Variants in CTU1 observed in about 807,000 individuals in gnomAD.
CTU1 encodes cytoplasmic tRNA 2-thiolation protein 1.
Under a neutral mutation model 12.9 loss-of-function variants are expected in CTU1, and 15 were observed. The ratio of observed to expected loss-of-function variants is 1.16; its 90% CI spans 0.78 to 1.79. The LOEUF is 1.79. Among genes scored for constraint, CTU1 ranks in the 40% most tolerant of loss-of-function variants. The pLI, the probability that CTU1 is intolerant of heterozygous loss-of-function variation, is 0.00. For missense variants in CTU1, 553 were observed against 550.5 expected (o/e 1.00, Z -0.05); for synonymous variants, 295 against 275.6 (o/e 1.07, Z -0.70).
chr19:51,104,158 C>G lies in CTU1; in HGVS notation c.412G>C (p.Gly138Arg), dbSNP rs1030366371. 6.6e-7 allele frequency: 1 copy of G among 1,517,178 alleles called. No individual in the cohort carries two copies. The highest frequency in any genetic ancestry group is 8.8e-7 in the Non-Finnish European group (1 of 1,141,432). The allele number at this position is 1,517,178 out of a possible 1,614,324, so 94.0% of individuals were successfully genotyped here. ...DAVARSTAGS[G>R]RSRSCCTFCG... ...AAGGTGCAGCAGGAGCGGCTGCGGC[C>G]GGAGCCGGCTGTGCTGCGGGCCACG... is the stretch of plus-strand genomic sequence containing the variant. Residue 138 changes from glycine to arginine, a missense_variant, in exon 2 of 3, where the codon GGC becomes CGC. This residue lies in a region of CTU1 where 500 missense variants were observed against 458.5 expected (regional missense o/e 1.09). Coordinates refer to ENST00000421832, the MANE Select transcript of CTU1 (RefSeq NM_145232.4).
chr19:51,101,861 C>T (rs1405556227), intron 2 of CTU1, among the ~76,000 whole-genome samples: 7 of 152,180 alleles, frequency 4.6e-5, no homozygotes, highest in East Asian at 3.8e-4. Context: ...TATTATACTA[C>T]GCCTTTGAAA....
chr19:51,105,512 C>T (rs916587460), intron 1 of CTU1, among the ~76,000 whole-genome samples: 10 of 152,212 alleles, frequency 6.6e-5, no homozygotes, highest in African/African-American at 2.2e-4. Flanking sequence ...CTCCCCAAGC[C>T]ACCATCACCT....
In CTU1 at chr19:51,098,551, A is replaced by G. The variant is rs1325471071; in HGVS notation, c.*50T>C. On this transcript the variant is annotated 3_prime_UTR_variant, in exon 3 of 3. Coordinates refer to ENST00000421832, the MANE Select transcript of CTU1 (RefSeq NM_145232.4). This position sits in a 1 kb window ranked among gnomAD's most constrained non-coding sequence, Gnocchi z 4.3. Reference sequence around the variant, plus strand: ...CGGGTTTATTCACAGTGTCATTTACAGGCAGCCCCCACCCCGCGGCATCAG... The same window carrying G: ...CGGGTTTATTCACAGTGTCATTTACGGGCAGCCCCCACCCCGCGGCATCAG... 4.1e-6 allele frequency: 5 copies of G among 1,230,362 alleles called. No homozygotes were observed. The African/African-American group carries it at 7.9e-5, about 19-fold the overall frequency. The allele number at this position is 1,230,362 out of a possible 1,614,324, so 76.2% of individuals were successfully genotyped here.
In CTU1 at chr19:51,099,059, C is replaced by T. The variant is rs1355787025; in HGVS notation, c.589G>A (p.Gly197Ser). 6.6e-7 allele frequency: 1 copy of T among 1,518,320 alleles called. No homozygotes were observed. Among genetic ancestry groups the T allele is most frequent in the Non-Finnish European group, 8.8e-7 (1 of 1,138,270 alleles). The allele number at this position is 1,518,320 out of a possible 1,614,324, so 94.1% of individuals were successfully genotyped here. A position where few individuals can be genotyped will look rare whatever the true frequency, so the allele number is the denominator to read the frequency against. The change falls in exon 3 of 3, where the codon GGC (glycine) becomes AGC (serine). Residue 197 changes from glycine to serine, a missense_variant. Around this residue, in one of 2 missense-constraint regions of CTU1, gnomAD observed 500 missense variants for 458.5 expected, o/e 1.09. Transcript: ENST00000421832. ...GDAGRLARGG[G>S]LGSPGEGGAL... Reference sequence around the variant, plus strand: ...CCCCCCTCGCCGGGAGAGCCCAGGCCCCCGCCCCGGGCCAGCCGCCCCGCG... The same window carrying T: ...CCCCCCTCGCCGGGAGAGCCCAGGCTCCCGCCCCGGGCCAGCCGCCCCGCG...
At chr19:51,100,193 C>T (rs1189048340) in intron 2 of CTU1, among the ~76,000 whole-genome samples, 1 of 152,128 alleles carries the variant, frequency 6.6e-6, no homozygotes, top group Non-Finnish European at 1.5e-5. Flanking sequence ...CACACAAGCT[C>T]CCTGGGGAAC....
chr19:51,102,052 G>A (rs2091908264), intron 2 of CTU1, among the ~76,000 whole-genome samples: 1 of 152,096 alleles, frequency 6.6e-6, no homozygotes, highest in Admixed American at 6.5e-5. Flanking sequence ...CACCCAGGCT[G>A]GAGTGCAGTG....
chr19:51,099,025 G>T lies in CTU1; in HGVS notation c.623C>A (p.Pro208Gln). 6.6e-7 allele frequency: 1 copy of T among 1,512,102 alleles called. No individual in the cohort carries two copies. The highest frequency in any genetic ancestry group is 8.8e-7 in the Non-Finnish European group (1 of 1,134,148). The allele number at this position is 1,512,102 out of a possible 1,614,324, so 93.7% of individuals were successfully genotyped here. The change falls in exon 3 of 3, where the codon CCG becomes CAG. Residue 208 changes from proline to glutamine, a missense_variant. Physicochemically the swap from Pro to Gln is moderately conservative, Grantham distance 76 (BLOSUM62 -1). This residue lies in a region of CTU1 where 500 missense variants were observed against 458.5 expected (regional missense o/e 1.09). Transcript: ENST00000421832. ...LGSPGEGGALPRCRPLQFASQ... is the reference protein window; with the variant it reads ...LGSPGEGGALQRCRPLQFASQ... ...GGCGAACTGCAGCGGGCGGCAGCGC[G>T]GCAGGGCGCCCCCCTCGCCGGGAGA...
At chr19:51,101,589 T>C (rs2091907214) in intron 2 of CTU1, among the ~76,000 whole-genome samples, 1 of 152,168 alleles carries the variant, frequency 6.6e-6, no homozygotes, top group Non-Finnish European at 1.5e-5. Flanking sequence ...GGGCTGAAGT[T>C]GAGAGGCCCT....
chr19:51,104,008 G>A (rs1449469950), intron 2 of CTU1, 54 bp downstream of exon 2: 3 of 1,389,800 alleles, frequency 2.2e-6, no homozygotes, highest in East Asian at 2.8e-5. Context: ...CCTCGCCTGT[G>A]CATTCGCCCC....
chr19:51,098,584 C>T lies in CTU1; in HGVS notation c.*17G>A, dbSNP rs2091897169. ...CCCACCCCGCGGCATCAGATCCCGG[C>T]GGGAGGCCCGAAGTCGCTAGAAGGT... On this transcript the variant is annotated 3_prime_UTR_variant, in exon 3 of 3. Coordinates refer to ENST00000421832, the MANE Select transcript of CTU1 (RefSeq NM_145232.4). The surrounding 1 kb of genome is among the most constrained non-coding windows in gnomAD (Gnocchi z 4.3). The T allele has an allele frequency of 2.3e-5, 29 of 1,259,460 alleles. No individual in the cohort carries two copies. Among genetic ancestry groups the T allele is most frequent in the Non-Finnish European group, 2.9e-5 (29 of 999,706 alleles). The allele number at this position is 1,259,460 out of a possible 1,614,324, so 78.0% of individuals were successfully genotyped here. A position where few individuals can be genotyped will look rare whatever the true frequency, so the allele number is the denominator to read the frequency against.
chr19:51,102,794 T>A (rs1221286431), intron 2 of CTU1, among the ~76,000 whole-genome samples: 1 of 151,926 alleles, frequency 6.6e-6, no homozygotes, highest in African/African-American at 2.4e-5. Context: ...GCAGCCCAAA[T>A]TGGCTTTTCA....
At position 51,098,672 on chromosome 19, in the gene CTU1, C is replaced by T; in HGVS notation, c.976G>A (p.Glu326Lys). The change falls in exon 3 of 3, where the codon GAG becomes AAG. Residue 326 changes from glutamate to lysine, a missense_variant. Physicochemically the swap from Glu to Lys is moderately conservative, Grantham distance 56. Coordinates refer to ENST00000421832, the MANE Select transcript of CTU1 (RefSeq NM_145232.4). This position sits in a 1 kb window ranked among gnomAD's most constrained non-coding sequence, Gnocchi z 4.3. ...AIGKGRRGLD[E>K]EATPGTPGDP... ...CCGGGCGTCCCCGGCGTCGCCTCCT[C>T]GTCCAGACCCCGGCGGCCCTTGCCG... is the stretch of plus-strand genomic sequence containing the variant. 4 of 1,301,752 alleles carry T rather than the reference C, an allele frequency of 3.1e-6. No individual in the cohort carries two copies. The highest frequency in any genetic ancestry group is 3.9e-6 in the Non-Finnish European group (4 of 1,023,792). The allele number at this position is 1,301,752 out of a possible 1,614,324, so 80.6% of individuals were successfully genotyped here. A position where few individuals can be genotyped will look rare whatever the true frequency, so the allele number is the denominator to read the frequency against.
intron 2 of CTU1, among the ~76,000 whole-genome samples, chr19:51,102,128 C>G (rs1342876487): frequency 6.6e-6 from 1 of 152,144 alleles, no homozygotes; most frequent in Non-Finnish European, 1.5e-5. Context: ...CTCAGCCTCC[C>G]GTGTAGCTGG....
chr19:51,106,257 T>G (rs1255314329), intron 1 of CTU1, among the ~76,000 whole-genome samples: 3 of 152,182 alleles, frequency 2.0e-5, no homozygotes, highest in African/African-American at 7.2e-5. Flanking sequence ...GCACTGGCTC[T>G]CCCCTCTGCC....
chr19:51,100,936 T>TGC (rs1287907739), intron 2 of CTU1, among the ~76,000 whole-genome samples: 1 of 136,864 alleles, frequency 7.3e-6, no homozygotes, highest in Non-Finnish European at 1.5e-5. Flanking sequence ...TTATTGTGCG[T>TGC]GTGTGTGTGT....
At chr19:51,102,805 C>G (rs2091910269) in intron 2 of CTU1, among the ~76,000 whole-genome samples, 1 of 149,802 alleles carries the variant, frequency 6.7e-6, no homozygotes, top group South Asian at 2.1e-4. Context: ...TGGCTTTTCA[C>G]AGGCCAATAA....
At chr19:51,103,887 C>A (rs1317499702) in intron 2 of CTU1, among the ~76,000 whole-genome samples, 175 bp downstream of exon 2, 1 of 152,216 alleles carries the variant, frequency 6.6e-6, no homozygotes, top group Non-Finnish European at 1.5e-5. Context: ...CAGCCCCAAA[C>A]TGCAGCATGC....
At chr19:51,107,959 C>T (rs764245736) in intron 1 of CTU1, among the ~76,000 whole-genome samples, 10 of 152,098 alleles carry the variant, frequency 6.6e-5, no homozygotes, top group Non-Finnish European at 1.0e-4. Context: ...CGCCGCCCTG[C>T]GCAGAGTCGG....
At position 51,104,227 on chromosome 19, in the gene CTU1, C is replaced by T. The variant is rs2091914099; in HGVS notation, c.343G>A (p.Val115Ile). ...CCAAAGAGGTCTTCGTAGGCCACGA[C>T]CGTGAGCGGCAGCTCCCAGCGCGCC... ...QAARWELPLT[V>I]VAYEDLFGGW... The change falls in exon 2 of 3, where the codon GTC becomes ATC. Residue 115 changes from valine to isoleucine, a missense_variant. Physicochemically the swap from Val to Ile is conservative, Grantham distance 29. Coordinates refer to ENST00000421832, the MANE Select transcript of CTU1 (RefSeq NM_145232.4). The T allele has an allele frequency of 1.3e-6, 2 of 1,515,916 alleles. No homozygotes were observed. The highest frequency in any genetic ancestry group is 2.9e-5 in the African/African-American group (2 of 69,892). 93.9% of individuals were successfully genotyped at this position (1,515,916 alleles called of 1,614,324 possible). A position where few individuals can be genotyped will look rare whatever the true frequency, so the allele number is the denominator to read the frequency against.
Sources: allele counts gnomAD v4.1 joint callset (sites outside exome capture counted in the v4.1 genomes callset), GRCh38; gene constraint gnomAD v4.1.1; regional missense constraint gnomAD v4.1.1; non-coding constraint Gnocchi (gnomAD v3.1); transcripts MANE v1.5; gene names NCBI Gene and HGNC (gene_info 2026-07-23, HGNC 2026-07-21).